The following FREM1 variants were observed in gnomAD, a reference collection of about 807,000 sequenced individuals.
FREM1 encodes the protein FRAS1 related extracellular matrix 1.
FREM1 carries 220 observed loss-of-function variants against 210.1 expected under a neutral mutation model. The observed-to-expected ratio is 1.05, with a 90% CI of 0.94 to 1.17. FREM1 has a LOEUF of 1.17. FREM1 is among the 50% of genes most tolerant of loss of function. FREM1 has a pLI of 0.00. For synonymous variants in FREM1, 1,189 were observed against 980.2 expected (o/e 1.21, Z -3.98); for missense variants, 3,454 against 2,675.5 (o/e 1.29, Z -6.42).
chr9:14,752,805 G>A (rs774182238), intron 29 of FREM1, among the ~76,000 whole-genome samples: 2 of 151,980 alleles, frequency 1.3e-5, no homozygotes, highest in African/African-American at 2.4e-5. Context: ...ACTCCCAACC[G>A]ACTCTCTGAT....
At chr9:14,865,553 T>C (rs1036081568) in intron 2 of FREM1, among the ~76,000 whole-genome samples, 1 of 152,196 alleles carries the variant, frequency 6.6e-6, no homozygotes, top group Non-Finnish European at 1.5e-5. Flanking sequence ...CATGAAACTG[T>C]TCATTACACA....
At chr9:14,881,420 G>C (rs1006006023) in intron 1 of FREM1, among the ~76,000 whole-genome samples, 1 of 152,204 alleles carries the variant, frequency 6.6e-6, no homozygotes, top group Non-Finnish European at 1.5e-5. Context: ...AGCTATCTTG[G>C]AGGCTTTGCC....
intron 14 of FREM1, among the ~76,000 whole-genome samples, chr9:14,817,637 G>T (rs73642423): frequency 0.03 from 4,574 of 152,132 alleles, 199 homozygotes; most frequent in African/African-American, 0.1. Context: ...CCTAGGAATG[G>T]AAAATAAAAG....
intron 15 of FREM1, among the ~76,000 whole-genome samples, chr9:14,813,830 C>A (rs542717994): frequency 2.6e-5 from 4 of 152,224 alleles, no homozygotes; most frequent in Admixed American, 6.5e-5. Context: ...AAGGCTGCCA[C>A]GTCTGCCCTG....
At chr9:14,870,548 C>T (rs1216349114) in intron 1 of FREM1, among the ~76,000 whole-genome samples, 1 of 152,068 alleles carries the variant, frequency 6.6e-6, no homozygotes, top group African/African-American at 2.4e-5. Context: ...AAATGTCACA[C>T]ACTTGGTAAT....
In FREM1 at chr9:14,824,867, T is replaced by C. The variant is rs1170508404; in HGVS notation, c.2007A>G (p.Ile669Met). The change falls in exon 11 of 37, where the codon ATA (isoleucine) becomes ATG (methionine). Residue 669 changes from isoleucine (I) to methionine (M), a missense_variant. Transcript: ENST00000380880. ...GCTCCCTGTCATATGATTCTGAATC[T>C]ATAAAATGTAGCTGTTTCTTAGTTA... is the stretch of plus-strand genomic sequence containing the variant. ...AYITKKQLHFIDSESYDRELV... is the reference protein window; with the variant it reads ...AYITKKQLHFMDSESYDRELV... 1 of 1,613,656 alleles carries C rather than the reference T, an allele frequency of 6.2e-7. No homozygotes were observed. Among genetic ancestry groups the C allele is most frequent in the South Asian group, 1.1e-5 (1 of 91,016 alleles).
At chr9:14,903,089 CT>C (rs1282559510) in intron 1 of FREM1, among the ~76,000 whole-genome samples, 3 of 152,180 alleles carry the variant, frequency 2.0e-5, no homozygotes, top group African/African-American at 7.2e-5. Context: ...CCAGCAGCAG[CT>C]TTTTTTGATT....
At chr9:14,867,589 A>T (rs903692743) in intron 2 of FREM1, among the ~76,000 whole-genome samples, 3 of 152,182 alleles carry the variant, frequency 2.0e-5, no homozygotes, top group Non-Finnish European at 4.4e-5. Context: ...AAGTGTGGTA[A>T]ATGGAGTGTC....
Position 14,804,994 on chromosome 9 carries a change from T to C in FREM1, c.3433A>G (p.Asn1145Asp). ...IPFSIIINPT[N>D]DEAPDFVVQN... is the part of the protein sequence containing the mutation. ...ACTACAAAGTCAGGAGCTTCATCAT[T>C]TGTGGGGTTGATTATAATAGAAAAT... Residue 1145 changes from asparagine to aspartate, a missense_variant, in exon 19 of 37, where the codon AAT becomes GAT. Coordinates refer to ENST00000380880, the MANE Select transcript of FREM1 (RefSeq NM_001379081.2). 1.2e-6 allele frequency: 2 copies of C among 1,613,542 alleles called. No individual in the cohort carries two copies. The highest frequency in any genetic ancestry group is 1.7e-6 in the Non-Finnish European group (2 of 1,179,538).
In FREM1 at chr9:14,808,100, G is replaced by A; in HGVS notation, c.2928C>T (p.Thr976=). ...CTCCATCCGAAACCACCAATGTAAT[G>A]GTGTCAAAACAAGGCATCAGGCCAA... ...GEIGLMPCFD[T]ITLVVSDGEA... Residue 976 remains threonine, a synonymous_variant, in exon 17 of 37, where the codon ACC becomes ACT. Transcript: ENST00000380880. 1 of 1,612,032 alleles carries A rather than the reference G, an allele frequency of 6.2e-7. No homozygotes were observed. The highest frequency in any genetic ancestry group is 1.1e-5 in the South Asian group (1 of 90,696).
chr9:14,856,669 T>C (rs1056863085), intron 5 of FREM1, among the ~76,000 whole-genome samples: 6 of 152,032 alleles, frequency 3.9e-5, no homozygotes, highest in Non-Finnish European at 8.8e-5. Flanking sequence ...CCTTCTCTAC[T>C]AAAAATACAA....
intron 23 of FREM1, 58 bp from the exon 24 acceptor site, chr9:14,784,692 G>A: frequency 4.5e-6 from 6 of 1,345,118 alleles, no homozygotes; most frequent in East Asian, 2.6e-5. Context: ...TTATGTCCAA[G>A]GCAAAGGCAG....
At position 14,829,174 on chromosome 9, in the gene FREM1, G is replaced by A. The variant is rs568929424; in HGVS notation, c.1882-4182C>T. Among the ~76,000 whole-genome samples the A allele has an allele frequency of 1.1e-4, 17 of 152,294 alleles. 1 individual carries two copies. The highest frequency in any genetic ancestry group is 3.4e-3 in the Middle Eastern group (1 of 294). On this transcript the variant is annotated intron_variant, in intron 10 of 36. Transcript: ENST00000380880. ...TTGCAAACTGAGTAAGTCATGTCCT[G>A]TTTGAGATTTTAAGTCTTAAAACTA... is the stretch of plus-strand genomic sequence containing the variant.
At chr9:14,740,062 C>T in intron 36 of FREM1, 87 bp downstream of exon 36, 7 of 753,000 alleles carry the variant, frequency 9.3e-6, no homozygotes, top group Non-Finnish European at 1.6e-5. Context: ...TCATTTAACC[C>T]ATGGAAGGAA....
intron 10 of FREM1, among the ~76,000 whole-genome samples, chr9:14,838,442 T>C (rs1001529595): frequency 1.3e-5 from 2 of 152,164 alleles, no homozygotes; most frequent in Non-Finnish European, 2.9e-5. Flanking sequence ...TCCTCAAATA[T>C]TGAAGTTTCA....
In FREM1 at chr9:14,755,716, G is replaced by A. The variant is rs568095096; in HGVS notation, c.5407+658C>T. On this transcript the variant is annotated intron_variant, in intron 29 of 36. Transcript: ENST00000380880. Reference sequence around the variant, plus strand: ...TCTAAATGCTAAAATACTGCCTCCCGTGGGAAGTCTTCCAAGATTTCTCTT... The same window carrying A: ...TCTAAATGCTAAAATACTGCCTCCCATGGGAAGTCTTCCAAGATTTCTCTT... 4.6e-5 allele frequency among the ~76,000 whole-genome samples: 7 copies of A among 152,170 alleles called. No individual in the cohort carries two copies. In the South Asian group the frequency reaches 1.0e-3, roughly 23 times the overall value.
chr9:14,799,286 CAAAA>C (rs976865147), intron 20 of FREM1, among the ~76,000 whole-genome samples: 1 of 125,688 alleles, frequency 8.0e-6, no homozygotes, highest in African/African-American at 3.0e-5. Context: ...ACCCTGTCTC[CAAAA>C]AAAAAAAAGG....
rs143538946 is a variant in FREM1 at position 14,890,054 on chromosome 9, C to T, written c.-268+19860G>A. On this transcript the variant is annotated intron_variant, in intron 1 of 36. Transcript: ENST00000380880. Reference sequence around the variant, plus strand: ...TCTTGGAGCTAAGGATACTCCTTTCCTCTGGGTATCAGGAGGGCACTTCTC... The same window carrying T: ...TCTTGGAGCTAAGGATACTCCTTTCTTCTGGGTATCAGGAGGGCACTTCTC... 1.3e-3 allele frequency among the ~76,000 whole-genome samples: 195 copies of T among 152,314 alleles called. 1 individual carries two copies. Among genetic ancestry groups the T allele is most frequent in the Non-Finnish European group, 2.2e-3 (147 of 68,026 alleles).
At chr9:14,775,755 T>A in intron 25 of FREM1, 34 bp downstream of exon 25, 66 of 1,003,632 alleles carry the variant, frequency 6.6e-5, no homozygotes, top group Non-Finnish European at 8.8e-5. Context: ...TGTTTTCACA[T>A]CTCTGGCAAA....
Sources: gnomAD v4.1 joint callset for allele counts (sites outside exome capture counted in the v4.1 genomes callset) on GRCh38, gnomAD v4.1.1 for gene constraint, MANE v1.5 for transcripts, NCBI Gene and HGNC (gene_info 2026-07-23, HGNC 2026-07-21) for gene names.